ZNF589: variants seen among roughly 807,000 people sequenced by gnomAD.
The protein encoded by ZNF589 is zinc finger protein 589.
A neutral mutation model predicts 13.6 loss-of-function variants in ZNF589; 17 were observed. The observed-to-expected ratio is 1.25, with a 90% confidence interval of 0.86 to 1.88. The LOEUF is 1.88. Ranked by LOEUF, ZNF589 falls within the 40% of genes most tolerant of loss-of-function variation. The probability of loss-of-function intolerance (pLI) is 0.00; values close to 1 mark genes in which losing one functional copy is unlikely to be tolerated. For synonymous variants in ZNF589, 148 were observed against 161.6 expected, an observed-to-expected ratio of 0.92 and a Z score of 0.64; for missense variants, 407 against 434.0, an observed-to-expected ratio of 0.94 and a Z score of 0.55.
rs746141877 is a variant in ZNF589 at position 48,269,534 on chromosome 3, A to G, written c.*748A>G. The G allele has an allele frequency of 9.3e-6, 3 of 323,880 alleles. No homozygotes were observed. Among genetic ancestry groups the G allele is most frequent in the Non-Finnish European group, 1.2e-5 (2 of 165,574 alleles). 20.1% of individuals were successfully genotyped at this position (323,880 alleles called of 1,614,324 possible). A position where few individuals can be genotyped will look rare whatever the true frequency, so the allele number is the denominator to read the frequency against. ...CACAGGAGAGAAACCTTACGCATGC[A>G]TCGAGTGTGGGCGAAACTTTAGCCA... On this transcript the variant is annotated 3_prime_UTR_variant, in exon 4 of 4. Transcript: ENST00000354698.
intron 1 of ZNF589, among the ~76,000 whole-genome samples, chr3:48,243,184 C>T (rs2033716816): frequency 6.6e-6 from 1 of 151,776 alleles, no homozygotes; most frequent in Admixed American, 6.6e-5. Flanking sequence ...CATGGTGGCT[C>T]ACGCCTGTAA....
chr3:48,265,264 G>A (rs994189282), intron 3 of ZNF589, among the ~76,000 whole-genome samples: 8 of 134,514 alleles, frequency 5.9e-5, no homozygotes, highest in African/African-American at 2.0e-4. Context: ...GAGCCACTGT[G>A]CCCGGCCTTT....
Position 48,268,590 on chromosome 3 carries a change from G to T in ZNF589, c.899G>T (p.Gly300Val), listed in dbSNP as rs1247520419. 2.5e-6 allele frequency: 4 copies of T among 1,613,356 alleles called. No individual in the cohort carries two copies. Among genetic ancestry groups the T allele is most frequent in the Non-Finnish European group, 3.4e-6 (4 of 1,179,862 alleles). ...CGCAACCACCTGAGTACACACTCCG[G>T]GGAGAAACCTTATGTGTGCAGCCAT... Reference protein sequence around the residue: ...VLRNHLSTHSGEKPYVCSHCG... With the variant: ...VLRNHLSTHSVEKPYVCSHCG... The change falls in exon 4 of 4, where the codon GGG (glycine) becomes GTG (valine). Residue 300 changes from glycine to valine, a missense_variant. Coordinates refer to ENST00000354698, the MANE Select transcript of ZNF589 (RefSeq NM_016089.3).
intron 1 of ZNF589, among the ~76,000 whole-genome samples, chr3:48,241,617 C>T (rs2033699723): frequency 6.6e-6 from 1 of 152,038 alleles, no homozygotes; most frequent in African/African-American, 2.4e-5. Flanking sequence ...CTGCAATCTC[C>T]GTCTCCCGGG....
In ZNF589 at chr3:48,267,921, C is replaced by G. The variant is rs926299777; in HGVS notation, c.230C>G (p.Ser77Ter). 3 of 1,605,130 alleles carry G rather than the reference C, an allele frequency of 1.9e-6. No individual in the cohort carries two copies. Among genetic ancestry groups the G allele is most frequent in the Non-Finnish European group, 2.5e-6 (3 of 1,177,792 alleles). Reference sequence around the variant, plus strand: ...GGAAACTTTCTTTCTTCAGCAGAATCAAAGCCAGAAGTCCATACCTGCCCT... The same window carrying G: ...GGAAACTTTCTTTCTTCAGCAGAATGAAAGCCAGAAGTCCATACCTGCCCT... ...NLRNLVSLAESKPEVHTCPSC... is the reference protein window; with the variant it reads ...NLRNLVSLAE The change falls in exon 4 of 4, where the codon TCA (serine) becomes TGA (stop). Residue 77 changes from serine to a stop codon, truncating the protein, a stop_gained. Transcript: ENST00000354698. LOFTEE classifies it low-confidence loss of function (END_TRUNC).
chr3:48,254,881 T>C (rs2033880953), intron 2 of ZNF589, among the ~76,000 whole-genome samples: 1 of 152,118 alleles, frequency 6.6e-6, no homozygotes, highest in South Asian at 2.1e-4. Flanking sequence ...TTTCTTTTTG[T>C]AGATTCTCTG....
chr3:48,256,646 C>G (rs1241579030), intron 2 of ZNF589: 2 of 1,052,094 alleles, frequency 1.9e-6, no homozygotes, highest in Non-Finnish European at 3.0e-6. Flanking sequence ...GGGCAGCATG[C>G]CTCCATGGGG....
At position 48,267,948 on chromosome 3, in the gene ZNF589, C is replaced by G. The variant is rs1296825601; in HGVS notation, c.257C>G (p.Ser86Cys). ...ESKPEVHTCP[S>C]CPLAFGSQQF... ...AAGCCAGAAGTCCATACCTGCCCTT[C>G]TTGCCCTCTGGCCTTTGGCAGTCAG... Residue 86 changes from serine (S) to cysteine (C), a missense_variant, in exon 4 of 4, where the codon TCT becomes TGT. Transcript: ENST00000354698. 6.2e-7 allele frequency: 1 copy of G among 1,612,724 alleles called. No homozygotes were observed. The highest frequency in any genetic ancestry group is 8.5e-7 in the Non-Finnish European group (1 of 1,180,006).
At chr3:48,248,838 T>TA (rs2033800279) in intron 2 of ZNF589, among the ~76,000 whole-genome samples, 1 of 152,232 alleles carries the variant, frequency 6.6e-6, no homozygotes, top group Non-Finnish European at 1.5e-5. Flanking sequence ...TTTGGATTGA[T>TA]AATCAAATTC....
chr3:48,261,400 A>G (rs1302925331), intron 3 of ZNF589, among the ~76,000 whole-genome samples: 6 of 152,188 alleles, frequency 3.9e-5, no homozygotes, highest in Non-Finnish European at 8.8e-5. Context: ...AGGCAGGAGC[A>G]TATCTAGTCC....
intron 2 of ZNF589, among the ~76,000 whole-genome samples, chr3:48,254,617 G>C (rs1488660596): frequency 2.6e-5 from 4 of 151,920 alleles, no homozygotes; most frequent in Non-Finnish European, 5.9e-5. Context: ...CTTACCATTT[G>C]TTTAGATCAT....
Position 48,256,948 on chromosome 3 carries a change from C to G in ZNF589, c.97-3865C>G, listed in dbSNP as rs1421146421. ...CCTCAAAGGCCGCCATCTTGAAAAA[C>G]CAACCCTGACCTCCACAATGATTGA... On this transcript the variant is annotated intron_variant, in intron 2 of 3. Transcript: ENST00000354698. 7.8e-6 allele frequency: 5 copies of G among 643,526 alleles called. No homozygotes were observed. In the Admixed American group the frequency reaches 8.4e-5, roughly 11 times the overall value. 39.9% of individuals were successfully genotyped at this position (643,526 alleles called of 1,614,324 possible). A position where few individuals can be genotyped will look rare whatever the true frequency, so the allele number is the denominator to read the frequency against.
At position 48,241,161 on chromosome 3, in the gene ZNF589, TGCGC is replaced by T. The variant is rs35806621; in HGVS notation, c.-6_-3del. On this transcript the variant is annotated 5_prime_UTR_variant, in exon 1 of 4. Coordinates refer to ENST00000354698, the MANE Select transcript of ZNF589 (RefSeq NM_016089.3). ...CTACCTCGTTTGCTTCGTGCGTGCG[TGCGC>T]GCGCAGATGTGGGCCCCGCGGGAGC... is the stretch of plus-strand genomic sequence containing the variant. 0.3 allele frequency: 478,488 copies of T among 1,611,094 alleles called. 73,952 individuals are homozygous for T. The highest frequency in any genetic ancestry group is 0.31 in the Non-Finnish European group (367,974 of 1,177,720).
In ZNF589 at chr3:48,241,150, TCGTGCGTG is replaced by T. The variant is rs757033300; in HGVS notation, c.-15_-8del. The T allele has an allele frequency of 6.2e-7, 1 of 1,601,080 alleles. No individual in the cohort carries two copies. The highest frequency in any genetic ancestry group is 1.7e-4 in the Middle Eastern group (1 of 6,002). On this transcript the variant is annotated 5_prime_UTR_variant, in exon 1 of 4. Transcript: ENST00000354698. ...ACACGGTGCTGCTACCTCGTTTGCTTCGTGCGTGCGTGCGCGCGCAGATGTGGGCCCCG... is the reference window on the plus strand; with the variant it reads ...ACACGGTGCTGCTACCTCGTTTGCTTCGTGCGCGCGCAGATGTGGGCCCCG...
chr3:48,268,765 G>A lies in ZNF589; in HGVS notation c.1074G>A (p.Lys358=), dbSNP rs1267671123. 14 of 1,613,182 alleles carry A rather than the reference G, an allele frequency of 8.7e-6. No homozygotes were observed. The highest frequency in any genetic ancestry group is 1.1e-5 in the Non-Finnish European group (13 of 1,179,688). Reference sequence around the variant, plus strand: ...ACCAGAGAATTCACACGGGGGATAAGCCTTATGTGTGCAGAGATTGAGGCC... The same window carrying A: ...ACCAGAGAATTCACACGGGGGATAAACCTTATGTGTGCAGAGATTGAGGCC... ...IKHQRIHTGD[K]PYVCRD Residue 358 remains lysine (K), a synonymous_variant, in exon 4 of 4, where the codon AAG becomes AAA. Transcript: ENST00000354698.
chr3:48,261,069 G>A, intron 3 of ZNF589, 130 bp downstream of exon 3: 1 of 1,037,822 alleles, frequency 9.6e-7, no homozygotes, highest in Middle Eastern at 2.1e-4. Flanking sequence ...TTCTCTCGTG[G>A]AGCTTATATT....
In ZNF589 at chr3:48,247,607, GCTT is replaced by G. The variant is rs67684101; in HGVS notation, c.44-14_44-12del. ...CTGGTAGGGCTGGCTTCTCAAGGTT[GCTT>G]CTTTCTTTCCCCAGCTCTGCCTGCC... On this transcript the variant is annotated splice_polypyrimidine_tract_variant and intron_variant, in intron 1 of 3. Transcript: ENST00000354698. 5,073 of 1,611,164 alleles carry G rather than the reference GCTT, an allele frequency of 3.1e-3. 121 individuals are homozygous for G. In the African/African-American group the frequency reaches 0.052, roughly 17 times the overall value.
intron 2 of ZNF589, among the ~76,000 whole-genome samples, chr3:48,254,202 G>C (rs2033871850): frequency 1.3e-5 from 2 of 152,142 alleles, no homozygotes; most frequent in Admixed American, 1.3e-4. Context: ...GTTGCGGTGA[G>C]CTGAGATCGT....
At chr3:48,253,862 G>T (rs2033867908) in intron 2 of ZNF589, among the ~76,000 whole-genome samples, 1 of 152,152 alleles carries the variant, frequency 6.6e-6, no homozygotes, top group African/African-American at 2.4e-5. Flanking sequence ...TTCCTCAAGT[G>T]AGAGGATTGC....
Sources: allele counts gnomAD v4.1 joint callset (sites outside exome capture counted in the v4.1 genomes callset), GRCh38; gene constraint gnomAD v4.1.1; transcripts MANE v1.5; gene names NCBI Gene and HGNC (gene_info 2026-07-23, HGNC 2026-07-21).